The following TMPRSS11E variants were observed in gnomAD, a reference collection of about 807,000 sequenced individuals.
TMPRSS11E encodes transmembrane serine protease 11E, also known as transmembrane protease serine 11E.
A neutral mutation model predicts 48.1 loss-of-function variants in TMPRSS11E; 38 were observed. That is an observed-to-expected ratio of 0.79 (90% CI 0.61 to 1.04). The LOEUF (loss-of-function observed/expected upper bound fraction) is 1.04, where lower values mean the gene tolerates loss of function less well. Ranked by LOEUF, TMPRSS11E falls within the 50% of genes least tolerant of loss-of-function variation. The pLI is 0.00. For synonymous variants in TMPRSS11E, 158 were observed against 171.9 expected (o/e 0.92, Z 0.63); for missense variants, 530 against 510.8 (o/e 1.04, Z -0.36).
At chr4:68,458,837 G>A (rs920976401) in intron 1 of TMPRSS11E, among the ~76,000 whole-genome samples, 1 of 152,058 alleles carries the variant, frequency 6.6e-6, no homozygotes, top group Non-Finnish European at 1.5e-5. Flanking sequence ...TAGTAATGTG[G>A]TCATTACCAC....
rs140472917 is a variant in TMPRSS11E, at chr4:68,475,569, C to G, written c.530-692C>G. Among the ~76,000 whole-genome samples, 809 of 152,300 alleles carry G rather than the reference C, an allele frequency of 5.3e-3. 9 individuals carry two copies. Among genetic ancestry groups the G allele is most frequent in the African/African-American group, 0.019 (779 of 41,570 alleles). ...CATGTGCTAGCACTGTGTTAGACAA[C>G]AGGCATTCCAAATGGATAAGATATA... On this transcript the variant is annotated intron_variant, in intron 6 of 9. Coordinates refer to ENST00000305363, the MANE Select transcript of TMPRSS11E (RefSeq NM_014058.4).
intron 5 of TMPRSS11E, among the ~76,000 whole-genome samples, chr4:68,472,948 G>A (rs62317558): frequency 0.058 from 8,740 of 151,996 alleles, 342 homozygotes; most frequent in Middle Eastern, 0.14. Context: ...ATGCAATGTC[G>A]ATATAAATGC....
At chr4:68,495,350 T>G (rs1729836831) in intron 9 of TMPRSS11E, among the ~76,000 whole-genome samples, 1 of 152,122 alleles carries the variant, frequency 6.6e-6, no homozygotes, top group Non-Finnish European at 1.5e-5. Context: ...TGATTAAAGC[T>G]TTGTTTTCTC....
chr4:68,491,257 T>C (rs1729711698), intron 9 of TMPRSS11E, among the ~76,000 whole-genome samples: 1 of 137,426 alleles, frequency 7.3e-6, no homozygotes, highest in African/African-American at 2.7e-5. Flanking sequence ...TGTTGGCAGG[T>C]TGCCAGGTTG....
chr4:68,466,917 A>C (rs1008993370), intron 3 of TMPRSS11E, among the ~76,000 whole-genome samples, 165 bp downstream of exon 3: 4 of 152,132 alleles, frequency 2.6e-5, no homozygotes, highest in African/African-American at 9.7e-5. Context: ...ACAATACATC[A>C]CTTAGCACAA....
chr4:68,496,724 T>C lies in TMPRSS11E; in HGVS notation c.1192T>C (p.Cys398Arg). Residue 398 changes from cysteine to arginine, a missense_variant, in exon 10 of 10, where the codon TGT becomes CGT. Cys to Arg is a radical substitution (Grantham distance 180). Transcript: ENST00000305363. Reference sequence around the variant, plus strand: ...TGGAATAGTGAGCTGGGGAGATGAATGTGCGAAACCCAACAAGCCTGGTGT... The same window carrying C: ...TGGAATAGTGAGCTGGGGAGATGAACGTGCGAAACCCAACAAGCCTGGTGT... ...LAGIVSWGDE[C>R]AKPNKPGVYT... 6.2e-7 allele frequency: 1 copy of C among 1,613,724 alleles called. No homozygotes were observed. The highest frequency in any genetic ancestry group is 8.5e-7 in the Non-Finnish European group (1 of 1,179,696).
In TMPRSS11E at chr4:68,497,414, C is replaced by G. The variant is rs1481550534; in HGVS notation, c.*610C>G. Reference sequence around the variant, plus strand: ...TAAGTTAAGGAAATCCAGAAAGAAGCCAAGATATATCCTTATTTTCATTTC... The same window carrying G: ...TAAGTTAAGGAAATCCAGAAAGAAGGCAAGATATATCCTTATTTTCATTTC... On this transcript the variant is annotated 3_prime_UTR_variant, in exon 10 of 10. Coordinates refer to ENST00000305363, the MANE Select transcript of TMPRSS11E (RefSeq NM_014058.4). 1 of 151,994 alleles carries G rather than the reference C, an allele frequency of 6.6e-6. No individual in the cohort carries two copies. The highest frequency in any genetic ancestry group is 1.5e-5 in the Non-Finnish European group (1 of 67,990). 9.4% of individuals were successfully genotyped at this position (151,994 alleles called of 1,614,324 possible). A position where few individuals can be genotyped will look rare whatever the true frequency, so the allele number is the denominator to read the frequency against.
intron 8 of TMPRSS11E, 83 bp downstream of exon 8, chr4:68,477,711 T>C (rs757229508): frequency 5.1e-4 from 778 of 1,525,960 alleles, no homozygotes; most frequent in Non-Finnish European, 6.6e-4. Flanking sequence ...TATGCCAAAA[T>C]ATGTTAGTTG....
intron 9 of TMPRSS11E, among the ~76,000 whole-genome samples, chr4:68,484,495 A>G (rs1729497441): frequency 1.3e-5 from 2 of 152,176 alleles, no homozygotes; most frequent in South Asian, 4.2e-4. Context: ...TTTGGTAGAG[A>G]TGGAGTCTTG....
At chr4:68,490,115 C>T (rs1015681846) in intron 9 of TMPRSS11E, among the ~76,000 whole-genome samples, 3 of 152,196 alleles carry the variant, frequency 2.0e-5, no homozygotes, top group Non-Finnish European at 4.4e-5. Flanking sequence ...CCAGGAGCCT[C>T]TCCAGGCCAG....
chr4:68,492,546 CAAG>C (rs1729757779), intron 9 of TMPRSS11E, among the ~76,000 whole-genome samples: 1 of 152,150 alleles, frequency 6.6e-6, no homozygotes, highest in Admixed American at 6.5e-5. Context: ...AAGTATAGTG[CAAG>C]AAGGTTGTGA....
intron 9 of TMPRSS11E, among the ~76,000 whole-genome samples, chr4:68,488,928 T>A (rs1560560411): frequency 2.0e-5 from 3 of 152,216 alleles, no homozygotes; most frequent in African/African-American, 4.8e-5. Flanking sequence ...GTTTCAACTT[T>A]CCCCTGAATC....
At chr4:68,467,100 C>T (rs367726696) in intron 3 of TMPRSS11E, among the ~76,000 whole-genome samples, 8 of 151,884 alleles carry the variant, frequency 5.3e-5, no homozygotes, top group East Asian at 1.9e-4. Context: ...AAAGAGACCC[C>T]GAGCAGAAGA....
intron 1 of TMPRSS11E, among the ~76,000 whole-genome samples, chr4:68,460,478 G>T (rs1464987275): frequency 6.6e-6 from 1 of 152,154 alleles, no homozygotes; most frequent in Non-Finnish European, 1.5e-5. Flanking sequence ...GAGTTTAAAT[G>T]ATTTTTCCGT....
At chr4:68,451,433 T>G (rs1283147364) in intron 1 of TMPRSS11E, among the ~76,000 whole-genome samples, 1 of 151,870 alleles carries the variant, frequency 6.6e-6, no homozygotes, top group Non-Finnish European at 1.5e-5. Context: ...TCTTCTCCCA[T>G]GTACACACAT....
chr4:68,466,617 T>C lies in TMPRSS11E; in HGVS notation c.137-14T>C, dbSNP rs368854511. 1.2e-6 allele frequency: 2 copies of C among 1,609,950 alleles called. No homozygotes were observed. Among genetic ancestry groups the C allele is most frequent in the Non-Finnish European group, 1.7e-6 (2 of 1,178,372 alleles). ...GATAAAAATTATGATAGTGTTTTGC[T>C]TCTTTCCTTGTAGATCAAAAGAAGA... is the stretch of plus-strand genomic sequence containing the variant. On this transcript the variant is annotated splice_polypyrimidine_tract_variant and intron_variant, in intron 2 of 9. Coordinates refer to ENST00000305363, the MANE Select transcript of TMPRSS11E (RefSeq NM_014058.4).
At chr4:68,460,542 A>G (rs1422480162) in intron 1 of TMPRSS11E, among the ~76,000 whole-genome samples, 2 of 152,166 alleles carry the variant, frequency 1.3e-5, no homozygotes, top group Non-Finnish European at 2.9e-5. Context: ...TTCTGATTCA[A>G]CACCCAGTAC....
rs529719593 is a variant in TMPRSS11E, at chr4:68,488,104, T to C, written c.1111-8539T>C. Among the ~76,000 whole-genome samples, 20 of 152,258 alleles carry C rather than the reference T, an allele frequency of 1.3e-4. No individual in the cohort carries two copies. In the South Asian group the frequency reaches 3.9e-3, roughly 30 times the overall value. The stretch of plus-strand genomic sequence containing the variant: ...ACTGCTTTTAAGATTTTTTCTTTCA[T>C]GTTGACCTTGGAGAATCTGACGACA... On this transcript the variant is annotated intron_variant, in intron 9 of 9. Transcript: ENST00000305363.
In TMPRSS11E at chr4:68,448,155, C is replaced by G. The variant is rs945539593; in HGVS notation, c.11+632C>G. ...TAATCAGTAACAAGGTTTTGGGGTA[C>G]TAGTTTTGTCTTTGAAAATAATTTT... On this transcript the variant is annotated intron_variant, in intron 1 of 9. Coordinates refer to ENST00000305363, the MANE Select transcript of TMPRSS11E (RefSeq NM_014058.4). Among the ~76,000 whole-genome samples the G allele has an allele frequency of 2.6e-5, 4 of 151,962 alleles. No individual in the cohort carries two copies. The South Asian group carries it at 8.3e-4, about 32-fold the overall frequency.
Sources: allele counts gnomAD v4.1 joint callset (sites outside exome capture counted in the v4.1 genomes callset), GRCh38; gene constraint gnomAD v4.1.1; transcripts MANE v1.5; gene names NCBI Gene and HGNC (gene_info 2026-07-23, HGNC 2026-07-21).